TMSB15B: variants seen among roughly 807,000 people sequenced by gnomAD.
The protein encoded by TMSB15B is thymosin beta 15B.
rs61550405 is a variant in TMSB15B, at chrX:103,920,689, C to A, written c.-721+1397C>A. On this transcript the variant is annotated intron_variant, in intron 1 of 3. Coordinates refer to the TMSB15B transcript ENST00000419165. ...TGCTTGATGAAGAAGTGTGAGAAATCAAACCCCATTTAACCTAACCCCCAA... is the reference window on the plus strand; with the variant it reads ...TGCTTGATGAAGAAGTGTGAGAAATAAAACCCCATTTAACCTAACCCCCAA... Among the ~76,000 whole-genome samples, 427 of 111,996 alleles carry A rather than the reference C, an allele frequency of 3.8e-3. 3 individuals carry two copies. Among genetic ancestry groups the A allele is most frequent in the African/African-American group, 0.01 (317 of 30,502 alleles).
chrX:103,952,813 A>T (rs2075042114), intron 1 of TMSB15B, among the ~76,000 whole-genome samples: 1 of 111,066 alleles, frequency 9.0e-6, no homozygotes, highest in Non-Finnish European at 1.9e-5. Context: ...ACCCCAAGGG[A>T]TGTGGGGGGT....
chrX:103,952,442 G>A (rs782293921), intron 1 of TMSB15B, among the ~76,000 whole-genome samples: 4 of 111,319 alleles, frequency 3.6e-5, no homozygotes, highest in Non-Finnish European at 7.5e-5. Context: ...TAGGATCTGT[G>A]GTACAGTGGT....
intron 1 of TMSB15B, among the ~76,000 whole-genome samples, chrX:103,919,888 G>C (rs1556317156): frequency 9.0e-6 from 1 of 111,457 alleles, no homozygotes; most frequent in African/African-American, 3.3e-5. Flanking sequence ...CTGCAGCATT[G>C]TCTGAAGAGC....
At chrX:103,946,086 G>A (rs1338982633) in intron 1 of TMSB15B, among the ~76,000 whole-genome samples, 1 of 112,118 alleles carries the variant, frequency 8.9e-6, no homozygotes, top group Non-Finnish European at 1.9e-5. Context: ...GAAGACATGA[G>A]AATCTTGGGT....
chrX:103,952,477 C>A (rs1556328452), intron 1 of TMSB15B, among the ~76,000 whole-genome samples: 14 of 110,668 alleles, frequency 1.3e-4, no homozygotes, highest in Non-Finnish European at 5.7e-5. Context: ...ATCATCTGCT[C>A]CTTGTGAGTG....
At position 103,926,673 on chromosome X, in the gene TMSB15B, G is replaced by A. The variant is rs1447642773; in HGVS notation, c.-721+7381G>A. Among the ~76,000 whole-genome samples, 4 of 110,796 alleles carry A rather than the reference G, an allele frequency of 3.6e-5. No individual in the cohort carries two copies. The East Asian group carries it at 1.1e-3, about 32-fold the overall frequency. On this transcript the variant is annotated intron_variant, in intron 1 of 3. Transcript: ENST00000419165. ...AAGGCTGCATTAGGCTTCTTGCAGT[G>A]TGTGGCTTCTACTCCTCCATGGGGA...
chrX:103,923,430 G>A (rs2074959487), intron 1 of TMSB15B, among the ~76,000 whole-genome samples: 1 of 112,037 alleles, frequency 8.9e-6, no homozygotes, highest in Non-Finnish European at 1.9e-5. Context: ...TGGCTAGCCA[G>A]TTTTCCGAGC....
In TMSB15B at chrX:103,928,255, T is replaced by C. The variant is rs782007590; in HGVS notation, c.-721+8963T>C. On this transcript the variant is annotated intron_variant, in intron 1 of 3. Coordinates refer to the TMSB15B transcript ENST00000419165. ...CCTTTCCTATCTATAAGGTTGTGTT[T>C]CGGCAACAGATCCATGCCATGGCAG... 1.9e-4 allele frequency: 233 copies of C among 1,204,902 alleles called. No individual in the cohort carries two copies. The Admixed American group carries it at 2.4e-3, about 13-fold the overall frequency.
chrX:103,939,664 G>A (rs1233501488), intron 1 of TMSB15B, among the ~76,000 whole-genome samples: 2 of 110,975 alleles, frequency 1.8e-5, no homozygotes, highest in Non-Finnish European at 1.9e-5. Context: ...CTGTCAATTC[G>A]TCAAACTCAT....
chrX:103,951,853 T>C (rs533677560), intron 1 of TMSB15B, among the ~76,000 whole-genome samples: 1 of 110,645 alleles, frequency 9.0e-6, no homozygotes, highest in African/African-American at 3.3e-5. Flanking sequence ...TGAAAGAAAA[T>C]AGGGTCCAAA....
At chrX:103,936,120 A>G (rs1259401096) in intron 1 of TMSB15B, among the ~76,000 whole-genome samples, 3 of 111,367 alleles carry the variant, frequency 2.7e-5, no homozygotes, top group African/African-American at 6.5e-5. Context: ...TGCTGGGATT[A>G]CAGGCATGAG....
intron 1 of TMSB15B, among the ~76,000 whole-genome samples, chrX:103,924,497 A>G (rs781938354): frequency 2.7e-5 from 3 of 111,689 alleles, no homozygotes; most frequent in Non-Finnish European, 3.8e-5. Flanking sequence ...CACCTTCATT[A>G]GTGTACCCTT....
chrX:103,932,813 A>T lies in TMSB15B; in HGVS notation c.-721+13521A>T, dbSNP rs782534653. 12 of 111,866 alleles carry T rather than the reference A, an allele frequency of 1.1e-4. No individual in the cohort carries two copies. In the East Asian group the frequency reaches 2.5e-3, roughly 23 times the overall value. 9.2% of individuals were successfully genotyped at this position (111,866 alleles called of 1,213,427 possible). ...GGCATATTTTCTGATATAAAAAATG[A>T]CTTTTAGGAGTTGAGATCAATAAAA... On this transcript the variant is annotated intron_variant, in intron 1 of 3. Coordinates refer to the TMSB15B transcript ENST00000419165.
At chrX:103,922,476 G>C (rs782383788) in intron 1 of TMSB15B, among the ~76,000 whole-genome samples, 1 of 107,779 alleles carries the variant, frequency 9.3e-6, no homozygotes, top group Non-Finnish European at 1.9e-5. Flanking sequence ...CTGTCCTTGC[G>C]ACAGTTTGCT....
At chrX:103,922,595 C>A (rs1247954393) in intron 1 of TMSB15B, among the ~76,000 whole-genome samples, 1 of 111,086 alleles carries the variant, frequency 9.0e-6, no homozygotes, top group Non-Finnish European at 1.9e-5. Flanking sequence ...TTTTCTTAAT[C>A]CAGTCTATTA....
chrX:103,939,070 T>C (rs782244532), intron 1 of TMSB15B, among the ~76,000 whole-genome samples: 1 of 112,198 alleles, frequency 8.9e-6, no homozygotes, highest in African/African-American at 3.2e-5. Flanking sequence ...GACCTTTCTC[T>C]CTGGCTTCCC....
At chrX:103,921,189 C>T (rs1339442651) in intron 1 of TMSB15B, among the ~76,000 whole-genome samples, 1 of 111,772 alleles carries the variant, frequency 8.9e-6, no homozygotes, top group Non-Finnish European at 1.9e-5. Flanking sequence ...GGATTGTGGC[C>T]TGTGGATGGA....
chrX:103,937,399 G>A (rs1286568944), intron 1 of TMSB15B, among the ~76,000 whole-genome samples: 4 of 111,483 alleles, frequency 3.6e-5, no homozygotes, highest in African/African-American at 1.3e-4. Context: ...GACTTGGGAG[G>A]GTGTATGTGT....
At chrX:103,942,915 T>A in intron 1 of TMSB15B, among the ~76,000 whole-genome samples, 1 of 111,730 alleles carries the variant, frequency 9.0e-6, no homozygotes, top group Admixed American at 9.5e-5. Context: ...AAGAAATCAG[T>A]TTATATGTGT....
Sources: allele counts gnomAD v4.1 joint callset (sites outside exome capture counted in the v4.1 genomes callset), GRCh38; gene constraint gnomAD v4.1.1; transcripts MANE v1.5; gene names NCBI Gene and HGNC (gene_info 2026-07-23, HGNC 2026-07-21).